GCSAML: variants seen among roughly 807,000 people sequenced by gnomAD.
GCSAML encodes the protein germinal center-associated signaling and motility-like protein.
A neutral mutation model predicts 13.0 loss-of-function variants in GCSAML; 9 were observed. The ratio of observed to expected loss-of-function variants is 0.69; its 90% CI spans 0.42 to 1.21. The LOEUF (loss-of-function observed/expected upper bound fraction) is 1.21, where lower values mean the gene tolerates loss of function less well. Among genes scored for constraint, GCSAML ranks in the 50% most tolerant of loss-of-function variants. The pLI, the probability that GCSAML is intolerant of heterozygous loss-of-function variation, is 0.00. For synonymous variants in GCSAML, 37 were observed against 52.9 expected (o/e 0.70, Z 1.31); for missense variants, 143 against 153.4 (o/e 0.93, Z 0.36).
chr1:247,532,271 G>C, intron 2 of GCSAML: 1 of 1,614,230 alleles, frequency 6.2e-7, no homozygotes, highest in Non-Finnish European at 8.5e-7. Context: ...GCCAGGAGCT[G>C]TGGGACAATG....
At chr1:247,541,599 C>T (rs956316836) in intron 2 of GCSAML, among the ~76,000 whole-genome samples, 4 of 152,116 alleles carry the variant, frequency 2.6e-5, no homozygotes, top group African/African-American at 9.7e-5. Context: ...CACAGACACT[C>T]CAAATTTGAG....
upstream of GCSAML, among the ~76,000 whole-genome samples, chr1:247,548,866 AG>A (rs1434302584): frequency 3.9e-5 from 6 of 152,214 alleles, no homozygotes; most frequent in Non-Finnish European, 8.8e-5. This position sits in a 1 kb window ranked among gnomAD's most constrained non-coding sequence, Gnocchi z 5.3. Context: ...TTTCCTTGAA[AG>A]CAAAGTGAAC....
intron 2 of GCSAML, among the ~76,000 whole-genome samples, chr1:247,558,909 ATCTGTGTGG>A (rs1442518952): frequency 1.5e-4 from 23 of 152,142 alleles, no homozygotes; most frequent in African/African-American, 5.6e-4. Flanking sequence ...TGTTACCAGT[ATCTGTGTGG>A]TCTGTGTTAT....
intron 1 of GCSAML, among the ~76,000 whole-genome samples, chr1:247,512,829 T>C (rs1666086765): frequency 6.6e-6 from 1 of 152,160 alleles, no homozygotes; most frequent in African/African-American, 2.4e-5. Flanking sequence ...TGCCTGGTTA[T>C]CACCAGCAGA....
At chr1:247,562,700 C>T (rs1294576755) in intron 2 of GCSAML, among the ~76,000 whole-genome samples, 1 of 152,100 alleles carries the variant, frequency 6.6e-6, no homozygotes, top group African/African-American at 2.4e-5. Flanking sequence ...GTCTGACTGA[C>T]AGAGAAATAA....
intron 2 of GCSAML, chr1:247,531,743 T>C: frequency 6.2e-7 from 1 of 1,614,190 alleles, no homozygotes. Context: ...TACATGAAGA[T>C]GATGCTCCCG....
chr1:247,571,886 G>T (rs1216030392), intron 4 of GCSAML, among the ~76,000 whole-genome samples: 1 of 152,116 alleles, frequency 6.6e-6, no homozygotes, highest in Non-Finnish European at 1.5e-5. Context: ...ATTTCTTGGA[G>T]GCTTTGTTTG....
At chr1:247,567,120 T>C (rs1668409129) in intron 4 of GCSAML, among the ~76,000 whole-genome samples, 1 of 150,714 alleles carries the variant, frequency 6.6e-6, no homozygotes. Flanking sequence ...GCTTTTTTTT[T>C]TCTAGAAACA....
At chr1:247,557,039 C>G (rs1263449375) in intron 2 of GCSAML, among the ~76,000 whole-genome samples, 1 of 152,172 alleles carries the variant, frequency 6.6e-6, no homozygotes, top group African/African-American at 2.4e-5. Flanking sequence ...TTTCTACAAG[C>G]TGGTCTTTTA....
chr1:247,563,231 C>T (rs1196749035), intron 2 of GCSAML, among the ~76,000 whole-genome samples: 3 of 152,026 alleles, frequency 2.0e-5, no homozygotes, highest in African/African-American at 4.8e-5. Context: ...ATTTATACAC[C>T]CTCATCAAGA....
intron 2 of GCSAML, among the ~76,000 whole-genome samples, chr1:247,534,627 G>A (rs1181598967): frequency 1.3e-5 from 2 of 152,096 alleles, no homozygotes; most frequent in Non-Finnish European, 2.9e-5. Context: ...ATTCTAGCCT[G>A]TATTTTAAAA....
intron 4 of GCSAML, among the ~76,000 whole-genome samples, chr1:247,573,753 G>A (rs1668722512): frequency 1.3e-5 from 2 of 152,156 alleles, no homozygotes; most frequent in Non-Finnish European, 2.9e-5. Flanking sequence ...GATGGAAATA[G>A]CATTGAATCT....
chr1:247,530,520 C>CCCCG (rs1666884328), intron 2 of GCSAML: 1 of 138,994 alleles, frequency 7.2e-6, no homozygotes, highest in Non-Finnish European at 1.6e-5. Context: ...CATGCCATCC[C>CCCCG]CCCCCCACAA....
At chr1:247,543,799 A>ATTTTTTTTTTTTTTTTTTTTTTTTTT (rs1265521616) in intron 2 of GCSAML, among the ~76,000 whole-genome samples, 233 of 151,770 alleles carry the variant, frequency 1.5e-3, no homozygotes, top group Non-Finnish European at 2.9e-3. Flanking sequence ...TATTAAAAAA[A>ATTTTTTTTTTTTTTTTTTTTTTTTTT]TTTTTTTAGA....
rs115381727 is a variant in GCSAML at position 247,526,769 on chromosome 1, G to C, written c.-262-171G>C. 4,528 of 360,504 alleles carry C rather than the reference G, an allele frequency of 0.013. 60 individuals carry two copies. Among genetic ancestry groups the C allele is most frequent in the Admixed American group, 0.051 (1,356 of 26,454 alleles). The allele number at this position is 360,504 out of a possible 1,614,324, so 22.3% of individuals were successfully genotyped here. A position where few individuals can be genotyped will look rare whatever the true frequency, so the allele number is the denominator to read the frequency against. On this transcript the variant is annotated intron_variant, in intron 1 of 5. Coordinates refer to the GCSAML transcript ENST00000366489. The surrounding 1 kb of genome is among the most constrained non-coding windows in gnomAD (Gnocchi z 4.8). Reference sequence around the variant, plus strand: ...TTGCTGCAAGAGGAATAAAAGAAAAGATGGAGCCTAGAAAATTCTGACATA... The same window carrying C: ...TTGCTGCAAGAGGAATAAAAGAAAACATGGAGCCTAGAAAATTCTGACATA...
intron 1 of GCSAML, among the ~76,000 whole-genome samples, chr1:247,517,718 T>C (rs1253732736): frequency 2.0e-5 from 3 of 152,204 alleles, no homozygotes; most frequent in Non-Finnish European, 2.9e-5. Flanking sequence ...CCTTCAGTGC[T>C]AGATAACCAG....
intron 4 of GCSAML, among the ~76,000 whole-genome samples, chr1:247,570,513 G>A (rs1351746481): frequency 2.6e-5 from 4 of 152,152 alleles, no homozygotes; most frequent in East Asian, 1.9e-4. Flanking sequence ...GTAGTTTTGC[G>A]GTTTTGAGTG....
intron 1 of GCSAML, among the ~76,000 whole-genome samples, chr1:247,510,737 C>A (rs1666006837): frequency 6.6e-6 from 1 of 152,108 alleles, no homozygotes; most frequent in Admixed American, 6.6e-5. Flanking sequence ...ATTACTTCTG[C>A]CCTAATTTCA....
At chr1:247,563,734 T>C (rs1044209943) in intron 3 of GCSAML, 95 bp downstream of exon 3, 4 of 589,084 alleles carry the variant, frequency 6.8e-6, no homozygotes, top group Non-Finnish European at 1.2e-5. Flanking sequence ...AATAACAGAT[T>C]GGAGAAGAGG....
Sources: gnomAD v4.1 joint callset for allele counts (sites outside exome capture counted in the v4.1 genomes callset) on GRCh38, gnomAD v4.1.1 for gene constraint, Gnocchi (gnomAD v3.1) non-coding constraint, MANE v1.5 for transcripts, NCBI Gene and HGNC (gene_info 2026-07-23, HGNC 2026-07-21) for gene names.